TTLL11: variants seen among roughly 807,000 people sequenced by gnomAD.
TTLL11 encodes tubulin polyglutamylase TTLL11.
In TTLL11, 42 loss-of-function variants were observed where a neutral mutation model predicts 51.7. The ratio of observed to expected loss-of-function variants is 0.81; its 90% confidence interval spans 0.64 to 1.05. TTLL11 has a LOEUF of 1.05. Ranked by LOEUF, TTLL11 falls within the 50% of genes least tolerant of loss-of-function variation. The pLI is 0.00. For synonymous variants in TTLL11, 381 were observed against 383.5 expected, an observed-to-expected ratio of 0.99 and a Z score of 0.08; for missense variants, 799 against 940.4, an observed-to-expected ratio of 0.85 and a Z score of 1.97.
At chr9:122,028,419 C>T (rs774609761) in intron 3 of TTLL11, among the ~76,000 whole-genome samples, 7 of 152,126 alleles carry the variant, frequency 4.6e-5, no homozygotes, top group Non-Finnish European at 1.0e-4. Context: ...CATGCAAATA[C>T]TAAGCCAAAG....
chr9:122,083,346 G>A (rs1423191703), intron 1 of TTLL11, among the ~76,000 whole-genome samples: 2 of 152,068 alleles, frequency 1.3e-5, no homozygotes, highest in Non-Finnish European at 2.9e-5. Context: ...GTCACAATGG[G>A]AGACCACGAT....
chr9:121,992,813 G>A (rs1843152153), intron 3 of TTLL11, among the ~76,000 whole-genome samples: 1 of 152,156 alleles, frequency 6.6e-6, no homozygotes, highest in African/African-American at 2.4e-5. Context: ...CCCCCTAGTG[G>A]ACATTTAGAA....
rs1450403847 is a variant in TTLL11, at chr9:121,995,547, A to C, written c.694-5777T>G. 6.6e-6 allele frequency among the ~76,000 whole-genome samples: 1 copy of C among 152,076 alleles called. No individual in the cohort carries two copies. The highest frequency in any genetic ancestry group is 1.9e-4 in the East Asian group (1 of 5,180). Reference sequence around the variant, plus strand: ...TGAGCTCACGGTTTGGGACTTCAGCAATTTTGGGAGGGGTGATGTTACCAT... The same window carrying C: ...TGAGCTCACGGTTTGGGACTTCAGCCATTTTGGGAGGGGTGATGTTACCAT... On this transcript the variant is annotated intron_variant, in intron 3 of 8. Coordinates refer to ENST00000321582, the MANE Select transcript of TTLL11 (RefSeq NM_001139442.2). The surrounding 1 kb of genome is among the most constrained non-coding windows in gnomAD (Gnocchi z 4.4).
intron 6 of TTLL11, among the ~76,000 whole-genome samples, chr9:121,900,339 G>T (rs1261197416): frequency 6.6e-6 from 1 of 152,218 alleles, no homozygotes; most frequent in Non-Finnish European, 1.5e-5. Context: ...TTACTGTTGC[G>T]AAGTCAGCTG....
chr9:122,044,943 C>A (rs1184429762), intron 1 of TTLL11, among the ~76,000 whole-genome samples: 1 of 151,728 alleles, frequency 6.6e-6, no homozygotes, highest in Non-Finnish European at 1.5e-5. Flanking sequence ...ACAACAACAA[C>A]AAAATACCTG....
intron 3 of TTLL11, among the ~76,000 whole-genome samples, chr9:122,008,268 G>A (rs973117862): frequency 1.1e-4 from 17 of 152,160 alleles, no homozygotes; most frequent in African/African-American, 4.1e-4. Context: ...ATCTGAATGG[G>A]AAACAGTCGA....
intron 8 of TTLL11, among the ~76,000 whole-genome samples, chr9:121,835,786 A>G (rs765048313): frequency 1.3e-5 from 2 of 152,158 alleles, no homozygotes; most frequent in Admixed American, 6.5e-5. Context: ...CACGAACACA[A>G]GTTCCTGAGT....
chr9:121,849,878 C>T (rs555014483), intron 8 of TTLL11, among the ~76,000 whole-genome samples: 264 of 152,200 alleles, frequency 1.7e-3, no homozygotes, highest in Middle Eastern at 0.01. Context: ...GTAACCCCAC[C>T]GCTACCAAAT....
rs1409448179 is a variant in TTLL11 at position 121,853,028 on chromosome 9, CA to C, written c.1840+7308del. Among the ~76,000 whole-genome samples the C allele has an allele frequency of 6.6e-6, 1 of 152,210 alleles. No individual in the cohort carries two copies. The highest frequency in any genetic ancestry group is 1.5e-5 in the Non-Finnish European group (1 of 68,042). ...CAAATGAAAATACTCTTCAATATTT[CA>C]GTGCATCGTTAACCAAATACATTTC... On this transcript the variant is annotated intron_variant, in intron 8 of 8. Coordinates refer to ENST00000321582, the MANE Select transcript of TTLL11 (RefSeq NM_001139442.2). The surrounding 1 kb of genome is among the most constrained non-coding windows in gnomAD (Gnocchi z 5.6).
chr9:121,973,434 C>A (rs963679470), intron 6 of TTLL11, among the ~76,000 whole-genome samples: 1 of 152,150 alleles, frequency 6.6e-6, no homozygotes, highest in South Asian at 2.1e-4. Context: ...CAAAGAGAAG[C>A]ACTATGTGTG....
intron 6 of TTLL11, among the ~76,000 whole-genome samples, chr9:121,957,253 C>T (rs752325434): frequency 3.9e-5 from 6 of 152,180 alleles, no homozygotes; most frequent in Non-Finnish European, 8.8e-5. Flanking sequence ...CTTCCAGAAA[C>T]AGCCTGCCCA....
chr9:121,870,773 T>C, intron 6 of TTLL11, 25 bp from the exon 7 acceptor site: 1 of 1,504,800 alleles, frequency 6.6e-7, no homozygotes, highest in Non-Finnish European at 8.9e-7. Context: ...GAATTAATGA[T>C]ATAACACTTT....
chr9:121,977,957 G>A (rs1316115120), intron 4 of TTLL11, among the ~76,000 whole-genome samples: 1 of 152,112 alleles, frequency 6.6e-6, no homozygotes, highest in Non-Finnish European at 1.5e-5. Flanking sequence ...TTACAGACGT[G>A]AGCCACCGCG....
rs149165133 is a variant in TTLL11, at chr9:122,003,311, C to T, written c.694-13541G>A. Reference sequence around the variant, plus strand: ...TGGGGGACATCAATAGGCACTCATACATATTCAGATTAATAATGTGGACTG... The same window carrying T: ...TGGGGGACATCAATAGGCACTCATATATATTCAGATTAATAATGTGGACTG... On this transcript the variant is annotated intron_variant, in intron 3 of 8. Coordinates refer to ENST00000321582, the MANE Select transcript of TTLL11 (RefSeq NM_001139442.2). Among the ~76,000 whole-genome samples, 646 of 152,062 alleles carry T rather than the reference C, an allele frequency of 4.2e-3. 5 individuals carry two copies. Among genetic ancestry groups the T allele is most frequent in the African/African-American group, 0.015 (623 of 41,478 alleles).
intron 1 of TTLL11, among the ~76,000 whole-genome samples, chr9:122,059,475 G>A (rs186612604): frequency 1.7e-4 from 26 of 152,172 alleles, no homozygotes; most frequent in African/African-American, 5.8e-4. Flanking sequence ...CCTCATAAGT[G>A]GCAGAGCCAG....
intron 3 of TTLL11, among the ~76,000 whole-genome samples, chr9:122,030,798 C>T (rs1425875502): frequency 6.8e-6 from 1 of 147,166 alleles, no homozygotes; most frequent in Non-Finnish European, 1.5e-5. Flanking sequence ...AAAAAAAAGC[C>T]GGTGTGGTGG....
At position 122,039,321 on chromosome 9, in the gene TTLL11, A is replaced by C. The variant is rs144660302; in HGVS notation, c.510T>G (p.Val170=). 25 of 1,614,104 alleles carry C rather than the reference A, an allele frequency of 1.5e-5. No homozygotes were observed. The African/African-American group carries it at 2.7e-4, about 17-fold the overall frequency. Residue 170 remains valine, a synonymous_variant, in exon 2 of 9, where the codon GTT becomes GTG. Transcript: ENST00000321582. The part of the protein sequence containing the change: ...RLPCDIYWHG[V]SFHDNDIFSG... ...AGAATATGTCATTGTCGTGAAATGA[A>C]ACTCCATGCCAGTAGATGTCACAAG...
Position 122,008,142 on chromosome 9 carries a change from CAAAG to C in TTLL11, c.694-18376_694-18373del, listed in dbSNP as rs149403021. 3.1e-3 allele frequency among the ~76,000 whole-genome samples: 473 copies of C among 152,298 alleles called. 6 individuals carry two copies. The highest frequency in any genetic ancestry group is 0.011 in the African/African-American group (458 of 41,570). ...TCAAAAATACCAATGTCATGAAACA[CAAAG>C]AAAGACTGAGAAATTCTTCCAGATT... On this transcript the variant is annotated intron_variant, in intron 3 of 8. Transcript: ENST00000321582.
intron 3 of TTLL11, among the ~76,000 whole-genome samples, chr9:122,027,757 T>C (rs2131798575): frequency 6.6e-6 from 1 of 152,278 alleles, no homozygotes; most frequent in South Asian, 2.1e-4. Context: ...AGAAATGTGT[T>C]GATGCAAATT....
Sources: allele counts gnomAD v4.1 joint callset (sites outside exome capture counted in the v4.1 genomes callset), GRCh38; gene constraint gnomAD v4.1.1; non-coding constraint Gnocchi (gnomAD v3.1); transcripts MANE v1.5; gene names NCBI Gene and HGNC (gene_info 2026-07-23, HGNC 2026-07-21).